Variants in NRAP observed in about 807,000 individuals in gnomAD.
NRAP encodes nebulin-related-anchoring protein.
NRAP carries 189 observed loss-of-function variants against 225.9 expected under a neutral mutation model. That is an observed-to-expected ratio of 0.84 (90% CI 0.74 to 0.94). NRAP has a LOEUF of 0.94. NRAP is among the 40% of genes least tolerant of loss of function. The pLI is 0.00. For missense variants in NRAP, 2,176 were observed against 2,168.7 expected, an observed-to-expected ratio of 1.00 and a Z score of -0.07; for synonymous variants, 769 against 790.7, an observed-to-expected ratio of 0.97 and a Z score of 0.46.
At position 113,612,403 on chromosome 10, in the gene NRAP, G is replaced by A. The variant is rs774603723; in HGVS notation, c.3329C>T (p.Ser1110Leu). 6.2e-7 allele frequency: 1 copy of A among 1,614,152 alleles called. No homozygotes were observed. Residue 1110 changes from serine (S) to leucine (L), a missense_variant, in exon 30 of 42, where the codon TCA becomes TTA. Ser to Leu is a moderately radical substitution (Grantham distance 145). Transcript: ENST00000359988. ...DVNYKKGFEH[S>L]KAQFHLPLDM... The stretch of plus-strand genomic sequence containing the variant: ...CAACGGCAGATGGAACTGCGCCTTT[G>A]AGTGTTCAAAGCCTTTCTTGTAATT...
chr10:113,629,025 CA>C lies in NRAP; in HGVS notation c.2041-5del. 1 of 1,608,892 alleles carries C rather than the reference CA, an allele frequency of 6.2e-7. No homozygotes were observed. The highest frequency in any genetic ancestry group is 8.5e-7 in the Non-Finnish European group (1 of 1,175,294). The stretch of plus-strand genomic sequence containing the variant: ...CCAGGTCAGCCTTGTACTGCAGCTA[CA>C]AAAGAAAAACCACAAAGCTCTCATT... On this transcript the variant is annotated splice_polypyrimidine_tract_variant and splice_region_variant and intron_variant, in intron 19 of 41. Transcript: ENST00000359988.
intron 20 of NRAP, 33 bp downstream of exon 20, chr10:113,628,883 AC>A (rs766078624): frequency 8.6e-7 from 1 of 1,165,284 alleles, no homozygotes; most frequent in Non-Finnish European, 1.2e-6. Context: ...GGGGCTGAGG[AC>A]TACTGGAGGC....
At chr10:113,601,036 C>T (rs1168040817) in intron 35 of NRAP, among the ~76,000 whole-genome samples, 4 of 152,276 alleles carry the variant, frequency 2.6e-5, no homozygotes, top group East Asian at 1.9e-4. Context: ...TCCGGACTCC[C>T]AGCAGCCTGG....
intron 31 of NRAP, 122 bp downstream of exon 31, chr10:113,610,337 G>A (rs541600160): frequency 3.4e-5 from 19 of 551,452 alleles, no homozygotes; most frequent in African/African-American, 4.0e-5. Flanking sequence ...GTGACAGAGC[G>A]AGACTCCATC....
At chr10:113,610,778 A>G (rs1847279173) in intron 30 of NRAP, among the ~76,000 whole-genome samples, 1 of 152,226 alleles carries the variant, frequency 6.6e-6, no homozygotes, top group African/African-American at 2.4e-5. Flanking sequence ...TCAGAAGAAA[A>G]TAATTCTGCT....
intron 4 of NRAP, among the ~76,000 whole-genome samples, chr10:113,656,825 C>T (rs771640860): frequency 3.3e-5 from 5 of 152,000 alleles, no homozygotes; most frequent in Admixed American, 6.6e-5. Context: ...ACAAGATTGA[C>T]GAGAGTGGGT....
chr10:113,632,834 G>GGT (rs1491012688), intron 16 of NRAP, among the ~76,000 whole-genome samples: 6 of 151,846 alleles, frequency 4.0e-5, no homozygotes, highest in Non-Finnish European at 5.9e-5. Context: ...CATGTAGGGG[G>GGT]GTGTGTGTGT....
intron 28 of NRAP, 76 bp downstream of exon 28, chr10:113,614,763 G>T: frequency 2.3e-6 from 2 of 864,234 alleles, no homozygotes; most frequent in South Asian, 2.7e-5. Context: ...GGCAAAAGAA[G>T]GCAGGAGTTA....
intron 31 of NRAP, among the ~76,000 whole-genome samples, chr10:113,608,859 G>A (rs1415875275): frequency 1.3e-5 from 2 of 152,160 alleles, no homozygotes; most frequent in Non-Finnish European, 2.9e-5. Context: ...ACAAACTGCA[G>A]CTTTAAAAAA....
At chr10:113,647,651 G>A (rs1307252946) in intron 9 of NRAP, among the ~76,000 whole-genome samples, 132 of 140,720 alleles carry the variant, frequency 9.4e-4, no homozygotes, top group Non-Finnish European at 1.3e-3. Flanking sequence ...GTCTCCCCCC[G>A]GTGGTACTGC....
intron 10 of NRAP, 41 bp from the exon 11 acceptor site, chr10:113,645,982 C>G: frequency 9.5e-7 from 1 of 1,048,832 alleles, no homozygotes. Flanking sequence ...GTTGATGTTT[C>G]CATGCTCTGG....
intron 1 of NRAP, 28 bp from the exon 2 acceptor site, chr10:113,663,474 A>G: frequency 7.3e-7 from 1 of 1,370,928 alleles, no homozygotes; most frequent in Non-Finnish European, 1.0e-6. Context: ...AAGATTTAGC[A>G]ATTACCCTTT....
chr10:113,663,748 ATG>A (rs1254458933), intron 1 of NRAP, 61 bp downstream of exon 1: 4 of 1,138,888 alleles, frequency 3.5e-6, no homozygotes, highest in African/African-American at 1.5e-5. Flanking sequence ...CTATGTCCAT[ATG>A]TGAGAAGGTC....
rs113245613 is a variant in NRAP, at chr10:113,617,454, C to A, written c.2973+1G>T. 2.6e-6 allele frequency: 4 copies of A among 1,539,346 alleles called. 1 individual carries two copies. ...CATAATGTATATACATTATCACTTA[C>A]ATCCACTGCTTGGGTATAACTAATT... On this transcript the variant is annotated splice_donor_variant, in intron 26 of 41. Transcript: ENST00000359988. LOFTEE classifies it high-confidence loss of function.
At chr10:113,605,457 T>C (rs1374634147) in intron 34 of NRAP, among the ~76,000 whole-genome samples, 3 of 152,180 alleles carry the variant, frequency 2.0e-5, no homozygotes. Flanking sequence ...TCGTTCTAAA[T>C]CTGGGTGGAG....
At chr10:113,599,328 A>T in intron 35 of NRAP, among the ~76,000 whole-genome samples, 2 of 152,240 alleles carry the variant, frequency 1.3e-5, no homozygotes, top group East Asian at 3.8e-4. Context: ...GCTCAGGAGC[A>T]GGTTTCAAAA....
chr10:113,592,327 G>A (rs1265040632), intron 38 of NRAP, 26 bp from the exon 39 acceptor site: 2 of 1,477,592 alleles, frequency 1.4e-6, no homozygotes, highest in African/African-American at 1.4e-5. Flanking sequence ...AAAAGCATGA[G>A]TAAGCAGGCA....
chr10:113,600,707 T>A (rs1846548618), intron 35 of NRAP, among the ~76,000 whole-genome samples: 1 of 152,188 alleles, frequency 6.6e-6, no homozygotes, highest in Non-Finnish European at 1.5e-5. Flanking sequence ...TTGTACTAGC[T>A]GTACAGTCTT....
intron 9 of NRAP, 71 bp downstream of exon 9, chr10:113,649,966 A>T: frequency 7.0e-6 from 6 of 863,300 alleles, no homozygotes; most frequent in East Asian, 2.4e-5. Context: ...TTAAATTGTC[A>T]TAGCTGTGTC....
Sources: allele counts gnomAD v4.1 joint callset (sites outside exome capture counted in the v4.1 genomes callset), GRCh38; gene constraint gnomAD v4.1.1; transcripts MANE v1.5; gene names NCBI Gene and HGNC (gene_info 2026-07-23, HGNC 2026-07-21).